The following NIPA1 variants were observed in gnomAD, a reference collection of about 807,000 sequenced individuals.
The protein encoded by NIPA1 is NIPA magnesium transporter 1, also known as magnesium transporter NIPA1.
A neutral mutation model predicts 23.9 loss-of-function variants in NIPA1; 13 were observed. The observed-to-expected ratio is 0.54, with a 90% CI of 0.35 to 0.87. The LOEUF is 0.87. NIPA1 is among the 40% of genes least tolerant of loss of function. The probability of loss-of-function intolerance (pLI) is 0.01; values close to 1 mark genes in which losing one functional copy is unlikely to be tolerated. For synonymous variants in NIPA1, 234 were observed against 202.9 expected, an observed-to-expected ratio of 1.15 and a Z score of -1.30; for missense variants, 362 against 429.7, an observed-to-expected ratio of 0.84 and a Z score of 1.39.
At chr15:22,806,145 G>A (rs532334736) in intron 1 of NIPA1, among the ~76,000 whole-genome samples, 1 of 152,262 alleles carries the variant, frequency 6.6e-6, no homozygotes, top group South Asian at 2.1e-4. Flanking sequence ...GGATGGTCTT[G>A]ATCTCCTGAC....
At position 22,826,373 on chromosome 15, in the gene NIPA1, T is replaced by C. The variant is rs1895652735; in HGVS notation, c.*2134T>C. The C allele has an allele frequency of 6.6e-6, 1 of 152,206 alleles. No homozygotes were observed. Among genetic ancestry groups the C allele is most frequent in the Admixed American group, 6.5e-5 (1 of 15,288 alleles). 9.4% of individuals were successfully genotyped at this position (152,206 alleles called of 1,614,324 possible). Reference sequence around the variant, plus strand: ...TGCAGGTTTTGTGTTTTATCATCAGTGCTTTTAGAAATGCAGGCCTTAACT... The same window carrying C: ...TGCAGGTTTTGTGTTTTATCATCAGCGCTTTTAGAAATGCAGGCCTTAACT... On this transcript the variant is annotated 3_prime_UTR_variant, in exon 5 of 5. Transcript: ENST00000337435.
At position 22,823,852 on chromosome 15, in the gene NIPA1, C is replaced by G. The variant is rs1895595041; in HGVS notation, c.603C>G (p.Phe201Leu). 7.4e-6 allele frequency: 12 copies of G among 1,614,154 alleles called. No individual in the cohort carries two copies. Among genetic ancestry groups the G allele is most frequent in the Non-Finnish European group, 8.5e-6 (10 of 1,179,980 alleles). ...GCATCTGCTCCTTGCTGGGCAGTTT[C>G]ACCGTGCCTTCCACCAAGGGCATCG... ...YISICSLLGS[F>L]TVPSTKGIGL... The change falls in exon 5 of 5, where the codon TTC becomes TTG. Residue 201 changes from phenylalanine (F) to leucine (L), a missense_variant. This residue lies in a region of NIPA1 where 277 missense variants were observed against 372.0 expected (regional missense o/e 0.74). Coordinates refer to ENST00000337435, the MANE Select transcript of NIPA1 (RefSeq NM_144599.5).
At chr15:22,804,731 A>G (rs773340184) in intron 1 of NIPA1, among the ~76,000 whole-genome samples, 2 of 152,136 alleles carry the variant, frequency 1.3e-5, no homozygotes, top group Non-Finnish European at 2.9e-5. Context: ...TGCTTCATTC[A>G]GTCTGTGATC....
At chr15:22,820,228 G>T in intron 3 of NIPA1, 85 bp from the exon 4 acceptor site, 1 of 1,010,730 alleles carries the variant, frequency 9.9e-7, no homozygotes, top group South Asian at 1.3e-5. Context: ...AAAGAAAATG[G>T]TTTTTCTAGA....
chr15:22,817,604 C>CA (rs1412444110), intron 3 of NIPA1, among the ~76,000 whole-genome samples: 1 of 150,334 alleles, frequency 6.7e-6, no homozygotes, highest in Non-Finnish European at 1.5e-5. Flanking sequence ...AGATCAAGAC[C>CA]ATCCTGGCTA....
intron 4 of NIPA1, among the ~76,000 whole-genome samples, chr15:22,821,169 G>T (rs1344599952): frequency 6.6e-6 from 1 of 151,930 alleles, no homozygotes; most frequent in Non-Finnish European, 1.5e-5. Context: ...ATTTCATCAT[G>T]TTAGCCAGGA....
At chr15:22,793,371 A>AG (rs1555372087) in intron 1 of NIPA1, among the ~76,000 whole-genome samples, 1 of 151,448 alleles carries the variant, frequency 6.6e-6, no homozygotes, top group East Asian at 1.9e-4. Flanking sequence ...AAAAAAAAAA[A>AG]AAAAAAAGAG....
chr15:22,790,080 C>T (rs1023109122), intron 1 of NIPA1, among the ~76,000 whole-genome samples: 2 of 151,994 alleles, frequency 1.3e-5, no homozygotes, highest in African/African-American at 4.8e-5. Context: ...AGGTCTGAGC[C>T]ACCATGCCCT....
At chr15:22,802,451 T>A (rs1166789601) in intron 1 of NIPA1, among the ~76,000 whole-genome samples, 1 of 151,224 alleles carries the variant, frequency 6.6e-6, no homozygotes, top group East Asian at 1.9e-4. Flanking sequence ...TATAAAAAGC[T>A]GTGCATGTTT....
At chr15:22,812,950 T>A (rs1034195692) in intron 3 of NIPA1, among the ~76,000 whole-genome samples, 1 of 152,294 alleles carries the variant, frequency 6.6e-6, no homozygotes, top group African/African-American at 2.4e-5. Flanking sequence ...CCTTGCTGGA[T>A]GCCGGACAGT....
At position 22,821,542 on chromosome 15, in the gene NIPA1, C is replaced by T. The variant is rs541458545; in HGVS notation, c.478+1069C>T. ...CACACTCACTGGTTTTGTCCACACT[C>T]GGTGGTCTGCATGTCCACACTCGCT... On this transcript the variant is annotated intron_variant, in intron 4 of 4. Coordinates refer to ENST00000337435, the MANE Select transcript of NIPA1 (RefSeq NM_144599.5). Among the ~76,000 whole-genome samples the T allele has an allele frequency of 8.9e-4, 135 of 151,640 alleles. 1 individual carries two copies. Among genetic ancestry groups the T allele is most frequent in the African/African-American group, 3.1e-3 (127 of 41,300 alleles).
At chr15:22,799,509 G>A (rs916761801) in intron 1 of NIPA1, among the ~76,000 whole-genome samples, 11 of 151,980 alleles carry the variant, frequency 7.2e-5, no homozygotes, top group Non-Finnish European at 1.2e-4. Flanking sequence ...GCCGGCCAGC[G>A]CAGTGGCTCA....
At position 22,823,871 on chromosome 15, in the gene NIPA1, G is replaced by T; in HGVS notation, c.622G>T (p.Gly208Cys). Residue 208 changes from glycine (G) to cysteine (C), a missense_variant, in exon 5 of 5, where the codon GGC becomes TGC. Physicochemically the swap from Gly to Cys is radical, Grantham distance 159. Around this residue, in one of 2 missense-constraint regions of NIPA1, gnomAD observed 277 missense variants for 372.0 expected, o/e 0.74. Coordinates refer to ENST00000337435, the MANE Select transcript of NIPA1 (RefSeq NM_144599.5). ...LGSFTVPSTK[G>C]IGLAAQDILH... Reference sequence around the variant, plus strand: ...CAGTTTCACCGTGCCTTCCACCAAGGGCATCGGGCTGGCGGCCCAAGACAT... The same window carrying T: ...CAGTTTCACCGTGCCTTCCACCAAGTGCATCGGGCTGGCGGCCCAAGACAT... The T allele has an allele frequency of 6.2e-7, 1 of 1,614,158 alleles. No individual in the cohort carries two copies. The highest frequency in any genetic ancestry group is 8.5e-7 in the Non-Finnish European group (1 of 1,179,980).
chr15:22,793,425 T>G (rs1894875210), intron 1 of NIPA1, among the ~76,000 whole-genome samples: 2 of 150,866 alleles, frequency 1.3e-5, no homozygotes, highest in Admixed American at 1.3e-4. Context: ...TGCCCTGCTG[T>G]CAAACATTAG....
chr15:22,796,987 A>G (rs1015125352), intron 1 of NIPA1, among the ~76,000 whole-genome samples: 1 of 152,118 alleles, frequency 6.6e-6, no homozygotes, highest in Non-Finnish European at 1.5e-5. Context: ...GTGGTTCGGA[A>G]AGTGGAACTT....
At chr15:22,791,825 G>C (rs926627533) in intron 1 of NIPA1, among the ~76,000 whole-genome samples, 2 of 152,134 alleles carry the variant, frequency 1.3e-5, no homozygotes, top group Non-Finnish European at 2.9e-5. Flanking sequence ...ACAACTCCCA[G>C]TAGTCCAGGG....
At chr15:22,819,229 T>C (rs4778575) in intron 3 of NIPA1, 53,300 of 152,056 alleles carry the variant, frequency 0.35, 10,841 homozygotes, top group East Asian at 0.59. Context: ...GTTAGCTTTG[T>C]GGCCTTAGGT....
intron 1 of NIPA1, among the ~76,000 whole-genome samples, chr15:22,805,829 G>A (rs985492379): frequency 2.6e-5 from 4 of 152,166 alleles, no homozygotes; most frequent in Admixed American, 2.0e-4. Flanking sequence ...ATAAGTGGAA[G>A]CAATCTTTTT....
chr15:22,801,366 C>CG (rs1162051417), intron 1 of NIPA1, among the ~76,000 whole-genome samples: 4 of 151,926 alleles, frequency 2.6e-5, no homozygotes, highest in African/African-American at 9.7e-5. Flanking sequence ...ATCAAGGAGT[C>CG]GGCCAGCTTG....
Sources: allele counts gnomAD v4.1 joint callset (sites outside exome capture counted in the v4.1 genomes callset), GRCh38; gene constraint gnomAD v4.1.1; regional missense constraint gnomAD v4.1.1; transcripts MANE v1.5; gene names NCBI Gene and HGNC (gene_info 2026-07-23, HGNC 2026-07-21).